Variants in SORBS3 observed in about 807,000 individuals in gnomAD.
SORBS3 encodes sorbin and SH3 domain containing 3.
Under a neutral mutation model 98.0 loss-of-function variants are expected in SORBS3, and 69 were observed. The observed-to-expected ratio is 0.70, with a 90% CI of 0.58 to 0.86. The LOEUF (loss-of-function observed/expected upper bound fraction) is 0.86, where lower values mean the gene tolerates loss of function less well. Among genes scored for constraint, SORBS3 ranks in the 40% least tolerant of loss-of-function variants. The probability of loss-of-function intolerance (pLI) is 0.00; values close to 1 mark genes in which losing one functional copy is unlikely to be tolerated. For synonymous variants in SORBS3, 394 were observed against 355.4 expected, an observed-to-expected ratio of 1.11 and a Z score of -1.22; for missense variants, 954 against 908.5, an observed-to-expected ratio of 1.05 and a Z score of -0.64.
At position 22,571,109 on chromosome 8, in the gene SORBS3, G is replaced by C; in HGVS notation, c.1631G>C (p.Ser544Thr). Residue 544 changes from serine (S) to threonine (T), a missense_variant, in exon 18 of 21, where the codon AGC (serine) becomes ACC (threonine). Physicochemically the swap from Ser to Thr is moderately conservative, Grantham distance 58. Coordinates refer to ENST00000240123, the MANE Select transcript of SORBS3 (RefSeq NM_005775.5). ...GCCGCCCGCTCAGCCCGTCACCCCA[G>C]CTCCCCCTCAGCCCTGCGCAGCCCA... ...TAAARSARHP[S>T]SPSALRSPAD... 1 of 1,609,004 alleles carries C rather than the reference G, an allele frequency of 6.2e-7. No individual in the cohort carries two copies. Among genetic ancestry groups the C allele is most frequent in the Non-Finnish European group, 8.5e-7 (1 of 1,178,934 alleles).
At chr8:22,545,334 G>GT (rs1840005579) in intron 1 of SORBS3, 1 of 152,294 alleles carries the variant, frequency 6.6e-6, no homozygotes. Flanking sequence ...TATCTTGAGT[G>GT]TGAGTAGAGA....
At chr8:22,552,593 G>A (rs1221339346) in intron 1 of SORBS3, among the ~76,000 whole-genome samples, 9 of 152,336 alleles carry the variant, frequency 5.9e-5, no homozygotes, top group Non-Finnish European at 1.5e-5. Flanking sequence ...TCTGACTACG[G>A]GTCGTGGGGG....
In SORBS3 at chr8:22,575,116, G is replaced by A; in HGVS notation, c.*388G>A. 2.7e-6 allele frequency: 1 copy of A among 371,220 alleles called. No individual in the cohort carries two copies. Among genetic ancestry groups the A allele is most frequent in the East Asian group, 7.5e-5 (1 of 13,372 alleles). 23.0% of individuals were successfully genotyped at this position (371,220 alleles called of 1,614,324 possible). On this transcript the variant is annotated 3_prime_UTR_variant, in exon 21 of 21. Coordinates refer to ENST00000240123, the MANE Select transcript of SORBS3 (RefSeq NM_005775.5). ...CACGGGGTTCCTCTAACCAGAACCA[G>A]CTTCCTAGCCTCGTAGAGACCAAAG... is the stretch of plus-strand genomic sequence containing the variant.
At chr8:22,548,479 G>A (rs555549178), upstream of SORBS3, among the ~76,000 whole-genome samples, 8 of 152,244 alleles carry the variant, frequency 5.3e-5, no homozygotes, top group South Asian at 1.2e-3. Flanking sequence ...TGCTTTCTGC[G>A]CTAACCCCTT....
intron 19 of SORBS3, among the ~76,000 whole-genome samples, 185 bp downstream of exon 19, chr8:22,572,006 A>G (rs114523232): frequency 1.3e-5 from 2 of 152,210 alleles, no homozygotes; most frequent in African/African-American, 2.4e-5. Context: ...GATGTTCCCA[A>G]TCCCTCCTGG....
At chr8:22,546,002 GGTCAAGAC>G (rs1178504394) in intron 1 of SORBS3, among the ~76,000 whole-genome samples, 2 of 152,138 alleles carry the variant, frequency 1.3e-5, no homozygotes, top group Non-Finnish European at 2.9e-5. Context: ...ATGGTGAGGT[GGTCAAGAC>G]GTCAGACCAG....
chr8:22,551,822 G>A (rs1366641051), upstream of SORBS3: 8 of 985,452 alleles, frequency 8.1e-6, no homozygotes, highest in East Asian at 1.1e-4. This position sits in a 1 kb window ranked among gnomAD's most constrained non-coding sequence, Gnocchi z 5.8. Flanking sequence ...TCCGGCCTCC[G>A]GCGCGCGCCC....
In SORBS3 at chr8:22,567,175, G is replaced by A. The variant is rs774192520; in HGVS notation, c.1305G>A (p.Glu435=). Residue 435 remains glutamate, a splice_region_variant and synonymous_variant, in exon 16 of 21, where the codon GAG becomes GAA. Coordinates refer to ENST00000240123, the MANE Select transcript of SORBS3 (RefSeq NM_005775.5). ...RLGIFPANYV[E]VLPADEIPKP... ...GCATCTTCCCTGCTAATTATGTGGAGGTGAGCAGGAGAGACAAGAGCAAGT... is the reference window on the plus strand; with the variant it reads ...GCATCTTCCCTGCTAATTATGTGGAAGTGAGCAGGAGAGACAAGAGCAAGT... 3.7e-6 allele frequency: 6 copies of A among 1,605,792 alleles called. No homozygotes were observed. The highest frequency in any genetic ancestry group is 5.1e-6 in the Non-Finnish European group (6 of 1,173,386).
rs1378984839 is a variant in SORBS3, at chr8:22,564,507, TC to T, written c.805del (p.Gln269SerfsTer14). On this transcript the variant is annotated frameshift_variant, in exon 10 of 21. Transcript: ENST00000240123. LOFTEE classifies it high-confidence loss of function. Reference sequence around the variant, plus strand: ...GGTGGACGACCCTGGTGAGAAGCCCTCCCAGCCCATTGAGGTGAGTGCTGCA... The same window carrying T: ...GGTGGACGACCCTGGTGAGAAGCCCTCCAGCCCATTGAGGTGAGTGCTGCA... Reference protein sequence around the residue: ...PLVDDPGEKPSQPIEVLLERE... With the variant: ...PLVDDPGEKPXQPIEVLLERE... 6.2e-7 allele frequency: 1 copy of T among 1,613,878 alleles called. No homozygotes were observed. Among genetic ancestry groups the T allele is most frequent in the East Asian group, 2.2e-5 (1 of 44,884 alleles).
chr8:22,554,743 C>T lies in SORBS3; in HGVS notation c.103-120C>T, dbSNP rs570365130. The T allele has an allele frequency of 6.4e-5, 88 of 1,370,758 alleles. No homozygotes were observed. The Middle Eastern group carries it at 6.7e-4, about 10-fold the overall frequency. 84.9% of individuals were successfully genotyped at this position (1,370,758 alleles called of 1,614,324 possible). A position where few individuals can be genotyped will look rare whatever the true frequency, so the allele number is the denominator to read the frequency against. ...GAGCTCTGGGGGGCCTCGCTGGTTTCCCACAAAATCGTCAGGCGGGCCTGG... is the reference window on the plus strand; with the variant it reads ...GAGCTCTGGGGGGCCTCGCTGGTTTTCCACAAAATCGTCAGGCGGGCCTGG... On this transcript the variant is annotated intron_variant, in intron 2 of 20. Coordinates refer to ENST00000240123, the MANE Select transcript of SORBS3 (RefSeq NM_005775.5). This position sits in a 1 kb window ranked among gnomAD's most constrained non-coding sequence, Gnocchi z 6.5.
intron 20 of SORBS3, 104 bp from the exon 21 acceptor site, chr8:22,574,563 C>A: frequency 8.8e-7 from 1 of 1,132,420 alleles, no homozygotes; most frequent in Non-Finnish European, 1.3e-6. Flanking sequence ...CCCTACAGAA[C>A]TCCCCTACAG....
rs370177041 is a variant in SORBS3 at position 22,554,482 on chromosome 8, G to A, written c.-25G>A. The A allele has an allele frequency of 1.4e-4, 226 of 1,603,732 alleles. No homozygotes were observed. The highest frequency in any genetic ancestry group is 1.8e-4 in the Middle Eastern group (1 of 5,574). On this transcript the variant is annotated 5_prime_UTR_variant, in exon 2 of 21. Coordinates refer to ENST00000240123, the MANE Select transcript of SORBS3 (RefSeq NM_005775.5). This position sits in a 1 kb window ranked among gnomAD's most constrained non-coding sequence, Gnocchi z 6.5. ...ACGCAGAGGAGCAGCTGGCTTGCCC[G>A]GAGTCCTCCCACCTTGACCCAAGCA...
intron 7 of SORBS3, among the ~76,000 whole-genome samples, chr8:22,562,433 C>A (rs1333062387): frequency 6.6e-6 from 1 of 152,238 alleles, no homozygotes. Context: ...TCTGTGCAAA[C>A]CACAGGCTCC....
chr8:22,556,560 G>T (rs1462463432), intron 3 of SORBS3, 155 bp from the exon 4 acceptor site: 2 of 647,254 alleles, frequency 3.1e-6, no homozygotes, highest in Non-Finnish European at 5.4e-6. Flanking sequence ...TAAACAAACA[G>T]AGGCCCGTGG....
intron 13 of SORBS3, 39 bp downstream of exon 13, chr8:22,566,523 C>T (rs1391744507): frequency 6.2e-6 from 10 of 1,604,384 alleles, no homozygotes; most frequent in Non-Finnish European, 8.5e-6. Flanking sequence ...ACGGAGATGC[C>T]CACCCACCAG....
chr8:22,556,980 A>G (rs962295876), intron 4 of SORBS3, 72 bp downstream of exon 4: 1 of 1,535,234 alleles, frequency 6.5e-7, no homozygotes, highest in Non-Finnish European at 8.9e-7. Flanking sequence ...TCTGTGCATT[A>G]AAATGGGGGT....
intron 17 of SORBS3, among the ~76,000 whole-genome samples, chr8:22,570,496 A>G (rs1840544923): frequency 6.6e-6 from 1 of 152,192 alleles, no homozygotes; most frequent in South Asian, 2.1e-4. Context: ...TAGTGACAGT[A>G]TGGTTATTTT....
chr8:22,571,586 C>A, intron 18 of SORBS3, 132 bp from the exon 19 acceptor site: 1 of 685,202 alleles, frequency 1.5e-6, no homozygotes, highest in South Asian at 1.7e-5. Context: ...GGTTTGGAGG[C>A]TAAGATGAAG....
At chr8:22,572,220 G>T in intron 19 of SORBS3, 120 bp from the exon 20 acceptor site, 2 of 797,080 alleles carry the variant, frequency 2.5e-6, no homozygotes, top group Non-Finnish European at 4.3e-6. Flanking sequence ...GTTGCTCTGA[G>T]GAGCTGGATC....
Sources: gnomAD v4.1 joint callset for allele counts (sites outside exome capture counted in the v4.1 genomes callset) on GRCh38, gnomAD v4.1.1 for gene constraint, Gnocchi (gnomAD v3.1) non-coding constraint, MANE v1.5 for transcripts, NCBI Gene and HGNC (gene_info 2026-07-23, HGNC 2026-07-21) for gene names.